Variants in CNKSR2 observed in about 807,000 individuals in gnomAD.
CNKSR2 encodes the protein CNK homolog protein 2.
Under a neutral mutation model 84.4 loss-of-function variants are expected in CNKSR2, and 14 were observed. That is an observed-to-expected ratio of 0.17 (90% CI 0.11 to 0.26). The LOEUF (loss-of-function observed/expected upper bound fraction) is 0.26, where lower values mean the gene tolerates loss of function less well. Among genes scored for constraint, CNKSR2 ranks in the 10% least tolerant of loss-of-function variants. The pLI, the probability that CNKSR2 is intolerant of heterozygous loss-of-function variation, is 1.00. For synonymous variants in CNKSR2, 275 were observed against 277.9 expected (o/e 0.99, Z 0.10); for missense variants, 485 against 771.2 (o/e 0.63, Z 4.40).
At chrX:21,446,190 A>G (rs973992546) in intron 4 of CNKSR2, among the ~76,000 whole-genome samples, 2 of 111,369 alleles carry the variant, frequency 1.8e-5, no homozygotes, top group Non-Finnish European at 3.8e-5. Flanking sequence ...AATTTTCCGT[A>G]TAATGCTAAT....
chrX:21,412,339 ATGAC>A (rs900626408), intron 1 of CNKSR2, among the ~76,000 whole-genome samples: 6 of 112,335 alleles, frequency 5.3e-5, no homozygotes, highest in African/African-American at 9.7e-5. Flanking sequence ...CTTGGCAAAG[ATGAC>A]TGACTAATTC....
At chrX:21,389,576 T>A (rs1024121400) in intron 1 of CNKSR2, among the ~76,000 whole-genome samples, 1 of 112,269 alleles carries the variant, frequency 8.9e-6, no homozygotes, top group Non-Finnish European at 1.9e-5. Context: ...GTATTAATAA[T>A]GAAGTCTTTC....
At chrX:21,450,011 A>G (rs1601805070) in intron 4 of CNKSR2, among the ~76,000 whole-genome samples, 1 of 111,793 alleles carries the variant, frequency 8.9e-6, no homozygotes, top group East Asian at 2.8e-4. Flanking sequence ...GAGGACAACA[A>G]TATTTTTTAT....
At chrX:21,553,902 A>G (rs1449832849) in intron 11 of CNKSR2, among the ~76,000 whole-genome samples, 5 of 111,882 alleles carry the variant, frequency 4.5e-5, no homozygotes, top group Non-Finnish European at 9.4e-5. Context: ...CACAGCAAAG[A>G]GACAAGTATT....
chrX:21,470,675 A>G, intron 4 of CNKSR2, 91 bp from the exon 5 acceptor site: 1 of 441,605 alleles, frequency 2.3e-6, no homozygotes. Flanking sequence ...AATTGTTAAG[A>G]CTTTTAAAAT....
At chrX:21,608,989 C>T (rs1263419619) in intron 19 of CNKSR2, 82 bp from the exon 20 acceptor site, 2 of 1,120,956 alleles carry the variant, frequency 1.8e-6, no homozygotes, top group African/African-American at 3.7e-5. Context: ...TTAAATATTA[C>T]CTGGTAGAAA....
At chrX:21,383,134 T>C (rs1403964244) in intron 1 of CNKSR2, among the ~76,000 whole-genome samples, 1 of 112,597 alleles carries the variant, frequency 8.9e-6, no homozygotes, top group East Asian at 2.8e-4. Flanking sequence ...GCTTAAATGC[T>C]CTAGCTAGTA....
At chrX:21,636,883 CA>C (rs2092674623) in intron 20 of CNKSR2, among the ~76,000 whole-genome samples, 1 of 110,952 alleles carries the variant, frequency 9.0e-6, no homozygotes, top group African/African-American at 3.3e-5. Flanking sequence ...TTCCATTTTC[CA>C]TTTTAAAATC....
At chrX:21,394,904 T>C in intron 1 of CNKSR2, among the ~76,000 whole-genome samples, 1 of 111,529 alleles carries the variant, frequency 9.0e-6, no homozygotes, top group Non-Finnish European at 1.9e-5. Context: ...AAACAGGCAA[T>C]TGTAAGAAAC....
At chrX:21,615,030 C>T (rs940303580) in intron 20 of CNKSR2, among the ~76,000 whole-genome samples, 1 of 111,974 alleles carries the variant, frequency 8.9e-6, no homozygotes, top group East Asian at 2.8e-4. Context: ...AAACAAATGA[C>T]AAGGGAAATG....
chrX:21,505,415 T>C (rs1213886862), intron 8 of CNKSR2: 1 of 111,359 alleles, frequency 9.0e-6, no homozygotes, highest in African/African-American at 3.3e-5. Flanking sequence ...AAGAAGAAGA[T>C]AGACTGCAGC....
chrX:21,489,444 TA>T (rs1182072408), intron 5 of CNKSR2, among the ~76,000 whole-genome samples: 1 of 109,893 alleles, frequency 9.1e-6, no homozygotes, highest in Non-Finnish European at 1.9e-5. Context: ...CTCCTATAGT[TA>T]AAGCAAAAAA....
chrX:21,495,145 A>G (rs957989601), intron 6 of CNKSR2: 3 of 111,919 alleles, frequency 2.7e-5, no homozygotes, highest in Non-Finnish European at 5.6e-5. Flanking sequence ...CAACTCTCCT[A>G]ACTGTAAATA....
At position 21,537,517 on chromosome X, in the gene CNKSR2, A is replaced by T. The variant is rs145571425; in HGVS notation, c.1303+5450A>T. ...TCTATCTCTCCCTTTAGCTCTAGTA[A>T]GGTTTGCTTTATATTTCTGGGTGCT... On this transcript the variant is annotated intron_variant, in intron 11 of 21. Coordinates refer to ENST00000379510, the MANE Select transcript of CNKSR2 (RefSeq NM_014927.5). Among the ~76,000 whole-genome samples, 47 of 111,193 alleles carry T rather than the reference A, an allele frequency of 4.2e-4. 1 individual carries two copies. In the East Asian group the frequency reaches 0.012, roughly 28 times the overall value.
chrX:21,574,180 A>G (rs2092303989), intron 13 of CNKSR2, among the ~76,000 whole-genome samples: 1 of 111,762 alleles, frequency 8.9e-6, no homozygotes, highest in African/African-American at 3.3e-5. Context: ...CACTATCAGC[A>G]TTTTGGTCAA....
chrX:21,654,110 C>T lies in CNKSR2; in HGVS notation c.*1589C>T, dbSNP rs1296120097. The stretch of plus-strand genomic sequence containing the variant: ...CTTTCTACAGCACATTTTCAGTAAT[C>T]CTATATTTAGTCAAAATGGATGAGA... On this transcript the variant is annotated 3_prime_UTR_variant, in exon 22 of 22. Coordinates refer to ENST00000379510, the MANE Select transcript of CNKSR2 (RefSeq NM_014927.5). 1 of 109,501 alleles carries T rather than the reference C, an allele frequency of 9.1e-6. No individual in the cohort carries two copies. The highest frequency in any genetic ancestry group is 2.9e-4 in the East Asian group (1 of 3,472). 9.0% of individuals were successfully genotyped at this position (109,501 alleles called of 1,213,427 possible). A position where few individuals can be genotyped will look rare whatever the true frequency, so the allele number is the denominator to read the frequency against.
chrX:21,459,006 A>G (rs1178003230), intron 4 of CNKSR2, among the ~76,000 whole-genome samples: 2 of 105,668 alleles, frequency 1.9e-5, no homozygotes, highest in Admixed American at 1.0e-4. Context: ...ACTCCTGACA[A>G]TATTCTTCAT....
intron 13 of CNKSR2, among the ~76,000 whole-genome samples, chrX:21,569,233 T>TA (rs1470166868): frequency 5.4e-5 from 6 of 111,334 alleles, no homozygotes; most frequent in African/African-American, 2.0e-4. Context: ...TTATTATTAT[T>TA]TTTGCTGGTG....
At chrX:21,618,445 A>G (rs1344072884) in intron 20 of CNKSR2, among the ~76,000 whole-genome samples, 2 of 112,344 alleles carry the variant, frequency 1.8e-5, no homozygotes, top group Non-Finnish European at 3.8e-5. Flanking sequence ...TAAAAAATTA[A>G]TAGTTAAACC....
Sources: gnomAD v4.1 joint callset for allele counts (sites outside exome capture counted in the v4.1 genomes callset) on GRCh38, gnomAD v4.1.1 for gene constraint, MANE v1.5 for transcripts, NCBI Gene and HGNC (gene_info 2026-07-23, HGNC 2026-07-21) for gene names.